The following PPHLN1 variants were observed in gnomAD, a reference collection of about 807,000 sequenced individuals.
PPHLN1 encodes periphilin-1.
Under a neutral mutation model 51.3 loss-of-function variants are expected in PPHLN1, and 29 were observed. The observed-to-expected ratio is 0.57, with a 90% CI of 0.42 to 0.77. PPHLN1 has a LOEUF of 0.77. Among genes scored for constraint, PPHLN1 ranks in the 30% least tolerant of loss-of-function variants. The probability of loss-of-function intolerance (pLI) is 0.00; values close to 1 mark genes in which losing one functional copy is unlikely to be tolerated. For synonymous variants in PPHLN1, 147 were observed against 147.8 expected, an observed-to-expected ratio of 0.99 and a Z score of 0.04; for missense variants, 436 against 438.4, an observed-to-expected ratio of 0.99 and a Z score of 0.05.
At chr12:42,391,491 G>A (rs1207839502) in intron 7 of PPHLN1, among the ~76,000 whole-genome samples, 5 of 152,002 alleles carry the variant, frequency 3.3e-5, no homozygotes, top group Non-Finnish European at 7.4e-5. Context: ...TGATCCGCCC[G>A]CCTCAGCCTC....
At position 42,337,751 on chromosome 12, in the gene PPHLN1, T is replaced by TTTTTATTTTA. The variant is rs567793160; in HGVS notation, c.72+1801_72+1810dup. ...GATTGCATGCCACCATACCTGGCTA[T>TTTTTATTTTA]TTTTATTTTATTTTATTTTATTTTA... On this transcript the variant is annotated intron_variant, in intron 2 of 9. Transcript: ENST00000358314. Among the ~76,000 whole-genome samples the TTTTTATTTTA allele has an allele frequency of 7.5e-3, 1,067 of 142,358 alleles. 16 individuals carry two copies. The highest frequency in any genetic ancestry group is 0.02 in the African/African-American group (767 of 37,712). The allele number at this position is 142,358 out of a possible 152,430, so 93.4% of individuals were successfully genotyped here.
At chr12:42,332,667 T>C in intron 1 of PPHLN1, 1 of 1,578,136 alleles carries the variant, frequency 6.3e-7, no homozygotes, top group South Asian at 1.1e-5. Context: ...CAGGAAATTG[T>C]TGAAAACGTT....
chr12:42,391,376 T>C (rs546464156), intron 7 of PPHLN1, among the ~76,000 whole-genome samples: 1 of 152,164 alleles, frequency 6.6e-6, no homozygotes, highest in South Asian at 2.1e-4. Context: ...GTAGCTGGGA[T>C]TACAGGCGCC....
At chr12:42,426,983 T>TG (rs1459112806) in intron 9 of PPHLN1, among the ~76,000 whole-genome samples, 1 of 152,168 alleles carries the variant, frequency 6.6e-6, no homozygotes, top group Non-Finnish European at 1.5e-5. Context: ...TCTCTCCTGT[T>TG]GGAGAGTAAC....
At chr12:42,442,665 A>T, downstream of PPHLN1, 2 of 1,614,176 alleles carry the variant, frequency 1.2e-6, no homozygotes, top group Non-Finnish European at 1.7e-6. Context: ...ACTTGGCAGC[A>T]GGTACCCCCT....
chr12:42,446,490 A>G (rs531403610), downstream of PPHLN1: 1 of 1,439,276 alleles, frequency 6.9e-7, no homozygotes, highest in East Asian at 2.5e-5. Context: ...GCAAAAAAAA[A>G]TCTCTCCTAG....
chr12:42,409,950 G>A (rs2079656984), intron 9 of PPHLN1, among the ~76,000 whole-genome samples: 7 of 151,980 alleles, frequency 4.6e-5, no homozygotes, highest in Admixed American at 4.6e-4. Context: ...TTCTTCAGAA[G>A]TTTCAGATCA....
At chr12:42,347,063 T>G (rs1405114561) in intron 2 of PPHLN1, 1 of 152,150 alleles carries the variant, frequency 6.6e-6, no homozygotes, top group Non-Finnish European at 1.5e-5. Flanking sequence ...CCTTTTTGTT[T>G]GTTTGTTTCT....
At position 42,352,024 on chromosome 12, in the gene PPHLN1, G is replaced by T; in HGVS notation, c.212G>T (p.Arg71Leu). 1.3e-6 allele frequency: 2 copies of T among 1,538,020 alleles called. No individual in the cohort carries two copies. Among genetic ancestry groups the T allele is most frequent in the Admixed American group, 2.3e-5 (1 of 44,354 alleles). Residue 71 changes from arginine (R) to leucine (L), a missense_variant, in exon 3 of 10, where the codon CGA becomes CTA. Transcript: ENST00000358314. ...YDEGRSFSHD[R>L]RSGPPHRGDE... ...GAGGGCCGCAGTTTTTCTCATGATC[G>T]AAGAAGTGGTCCACCTCACAGAGGA...
At chr12:42,354,831 G>A (rs1297691192) in intron 3 of PPHLN1, among the ~76,000 whole-genome samples, 4 of 152,152 alleles carry the variant, frequency 2.6e-5, no homozygotes, top group Admixed American at 2.6e-4. Context: ...AAAAATGTGA[G>A]GTTGAGAAAT....
intron 5 of PPHLN1, among the ~76,000 whole-genome samples, chr12:42,380,818 T>C (rs11837839): frequency 0.017 from 2,582 of 152,254 alleles, 64 homozygotes; most frequent in African/African-American, 0.059. Context: ...GTCATTCTCT[T>C]AGCAACAAAA....
At chr12:42,353,990 A>G (rs1049578069) in intron 3 of PPHLN1, among the ~76,000 whole-genome samples, 24 of 152,164 alleles carry the variant, frequency 1.6e-4, no homozygotes, top group Non-Finnish European at 3.4e-4. Flanking sequence ...CATGACACTA[A>G]TTCTTATATA....
At chr12:42,424,363 A>G (rs776152170) in intron 9 of PPHLN1, among the ~76,000 whole-genome samples, 1 of 152,204 alleles carries the variant, frequency 6.6e-6, no homozygotes, top group South Asian at 2.1e-4. Flanking sequence ...CCACGAGGCA[A>G]CTTATTTTCT....
intron 8 of PPHLN1, among the ~76,000 whole-genome samples, chr12:42,396,479 CT>C (rs1565929771): frequency 1.3e-5 from 2 of 151,912 alleles, no homozygotes; most frequent in East Asian, 3.9e-4. Flanking sequence ...TGAGAGTTTT[CT>C]TTTGGTTGTC....
At position 42,355,241 on chromosome 12, in the gene PPHLN1, T is replaced by G. The variant is rs2073895692; in HGVS notation, c.299+19T>G. ...AATACAGGTAAAAGGATAAAAATAA[T>G]AGCATAAGTACTTTGATACTTGACT... On this transcript the variant is annotated intron_variant, in intron 4 of 9. Transcript: ENST00000358314. The G allele has an allele frequency of 3.7e-6, 6 of 1,601,744 alleles. No homozygotes were observed. In the South Asian group the frequency reaches 6.6e-5, roughly 18 times the overall value.
intron 1 of PPHLN1, chr12:42,332,525 AT>A: frequency 3.4e-6 from 2 of 590,444 alleles, no homozygotes; most frequent in Non-Finnish European, 6.0e-6. Context: ...GATATCTTCT[AT>A]TTTCAAGAGT....
At chr12:42,353,766 T>G (rs913304750) in intron 3 of PPHLN1, among the ~76,000 whole-genome samples, 1 of 152,228 alleles carries the variant, frequency 6.6e-6, no homozygotes, top group African/African-American at 2.4e-5. Flanking sequence ...ATGAAAATCC[T>G]ATGTGAGTTT....
In PPHLN1 at chr12:42,377,942, A is replaced by G. The variant is rs900201267; in HGVS notation, c.511+2868A>G. On this transcript the variant is annotated intron_variant, in intron 5 of 9. Transcript: ENST00000358314. Reference sequence around the variant, plus strand: ...TGATGCTCCTGTCTTAGGATCTCCAATATCCTTCACTCATCCTTTGAGAGC... The same window carrying G: ...TGATGCTCCTGTCTTAGGATCTCCAGTATCCTTCACTCATCCTTTGAGAGC... Among the ~76,000 whole-genome samples the G allele has an allele frequency of 3.3e-5, 5 of 152,258 alleles. No homozygotes were observed. In the South Asian group the frequency reaches 1.0e-3, roughly 32 times the overall value.
chr12:42,393,747 T>G, intron 8 of PPHLN1, 58 bp downstream of exon 8: 1 of 1,489,720 alleles, frequency 6.7e-7, no homozygotes, highest in Non-Finnish European at 9.0e-7. Context: ...GGATTTTAAA[T>G]TATGGGCGAA....
Sources: gnomAD v4.1 joint callset for allele counts (sites outside exome capture counted in the v4.1 genomes callset) on GRCh38, gnomAD v4.1.1 for gene constraint, MANE v1.5 for transcripts, NCBI Gene and HGNC (gene_info 2026-07-23, HGNC 2026-07-21) for gene names.